Variants in VAV1 observed in about 807,000 individuals in gnomAD.
The protein encoded by VAV1 is vav guanine nucleotide exchange factor 1, also known as proto-oncogene vav.
Under a neutral mutation model 128.1 loss-of-function variants are expected in VAV1, and 33 were observed. That is an observed-to-expected ratio of 0.26 (90% confidence interval 0.20 to 0.34). The LOEUF is 0.34. Ranked by LOEUF, VAV1 falls within the 10% of genes least tolerant of loss-of-function variation. The pLI is 1.00. For synonymous variants in VAV1, 394 were observed against 409.8 expected (o/e 0.96, Z 0.47); for missense variants, 715 against 1,093.7 (o/e 0.65, Z 4.88).
At chr19:6,811,157 T>G (rs984933817) in intron 1 of VAV1, among the ~76,000 whole-genome samples, 5 of 152,144 alleles carry the variant, frequency 3.3e-5, no homozygotes, top group Non-Finnish European at 7.4e-5. Context: ...TGCCTCAGCT[T>G]CTCAAGTAGC....
At chr19:6,829,662 A>G in intron 13 of VAV1, 124 bp from the exon 14 acceptor site, 1 of 1,437,192 alleles carries the variant, frequency 7.0e-7, no homozygotes, top group Non-Finnish European at 9.5e-7. Context: ...ACAGGTGGGC[A>G]TGGCCAAGTT....
At chr19:6,827,799 C>G (rs568187092) in intron 9 of VAV1, among the ~76,000 whole-genome samples, 1 of 151,678 alleles carries the variant, frequency 6.6e-6, no homozygotes, top group South Asian at 2.1e-4. Flanking sequence ...GGGGTTTCCC[C>G]GTGTTGGCCA....
intron 21 of VAV1, among the ~76,000 whole-genome samples, chr19:6,839,548 G>A (rs1180918682): frequency 6.6e-6 from 1 of 151,764 alleles, no homozygotes; most frequent in Non-Finnish European, 1.5e-5. Context: ...GATTACAGGC[G>A]TGAGCCACCA....
intron 1 of VAV1, among the ~76,000 whole-genome samples, chr19:6,810,069 C>T (rs928083780): frequency 2.0e-5 from 3 of 151,990 alleles, no homozygotes; most frequent in Non-Finnish European, 4.4e-5. Flanking sequence ...AGTCCCAACA[C>T]TCAGGAGGTT....
intron 22 of VAV1, among the ~76,000 whole-genome samples, chr19:6,847,468 T>C (rs1469823335): frequency 6.6e-6 from 1 of 152,222 alleles, no homozygotes; most frequent in Non-Finnish European, 1.5e-5. Context: ...CTCATCTCCA[T>C]TGTAGCCCAT....
At chr19:6,790,306 A>G (rs1290349685) in intron 1 of VAV1, among the ~76,000 whole-genome samples, 1 of 152,224 alleles carries the variant, frequency 6.6e-6, no homozygotes, top group African/African-American at 2.4e-5. Context: ...CATAATGGAC[A>G]CAGTTAATAC....
At chr19:6,821,553 C>G in intron 2 of VAV1, 69 bp from the exon 3 acceptor site, 1 of 1,588,322 alleles carries the variant, frequency 6.3e-7, no homozygotes, top group Non-Finnish European at 8.6e-7. Context: ...CAGAGCCTTG[C>G]AGCTGGAAGC....
At chr19:6,781,368 T>G (rs1198141375) in intron 1 of VAV1, among the ~76,000 whole-genome samples, 2 of 152,194 alleles carry the variant, frequency 1.3e-5, no homozygotes, top group African/African-American at 4.8e-5. Context: ...AGGACTGGCT[T>G]CTCTGCCGCC....
Position 6,857,071 on chromosome 19 carries a change from C to G in VAV1, c.2502C>G (p.Ala834=). 2 of 1,614,076 alleles carry G rather than the reference C, an allele frequency of 1.2e-6. No homozygotes were observed. The highest frequency in any genetic ancestry group is 1.7e-6 in the Non-Finnish European group (2 of 1,180,010). The part of the protein sequence containing the change: ...EIYGRVGWFP[A]NYVEEDYSEY... ...GTTTCCAGGTTGGCTGGTTCCCTGC[C>G]AACTACGTGGAGGAAGATTATTCTG... is the stretch of plus-strand genomic sequence containing the variant. Residue 834 remains alanine, a synonymous_variant, in exon 27 of 27, where the codon GCC becomes GCG. Transcript: ENST00000602142.
intron 1 of VAV1, among the ~76,000 whole-genome samples, chr19:6,795,680 T>C (rs1443486307): frequency 1.3e-5 from 2 of 151,598 alleles, no homozygotes; most frequent in Non-Finnish European, 2.9e-5. Flanking sequence ...TTTTTGCTTG[T>C]TTGTTTGTTT....
intron 21 of VAV1, 150 bp downstream of exon 21, chr19:6,837,200 A>G (rs1972244628): frequency 1.3e-6 from 1 of 742,614 alleles, no homozygotes; most frequent in African/African-American, 1.8e-5. Flanking sequence ...CACCCACCCC[A>G]CCAACTGAGC....
At chr19:6,784,453 G>A (rs959435950) in intron 1 of VAV1, among the ~76,000 whole-genome samples, 1 of 151,476 alleles carries the variant, frequency 6.6e-6, no homozygotes, top group African/African-American at 2.4e-5. Context: ...ATCTAGGAGG[G>A]TCAGCACTTG....
intron 7 of VAV1, 43 bp from the exon 8 acceptor site, chr19:6,825,260 G>A (rs769866550): frequency 6.3e-6 from 10 of 1,593,450 alleles, no homozygotes; most frequent in Non-Finnish European, 8.6e-6. Context: ...GGCCCCCTGA[G>A]CCCTGGGCTC....
intron 26 of VAV1, 46 bp downstream of exon 26, chr19:6,854,144 C>T: frequency 1.9e-6 from 3 of 1,600,614 alleles, no homozygotes; most frequent in South Asian, 2.2e-5. Context: ...GGGGGTTGAG[C>T]TGGTGGTGGA....
intron 4 of VAV1, 45 bp downstream of exon 4, chr19:6,821,904 C>T (rs1284097095): frequency 1.3e-5 from 21 of 1,612,656 alleles, no homozygotes; most frequent in Non-Finnish European, 1.6e-5. Flanking sequence ...GGAGCACCGT[C>T]CTGGGGGTGG....
At chr19:6,824,882 C>T (rs1011554056) in intron 6 of VAV1, among the ~76,000 whole-genome samples, 171 bp from the exon 7 acceptor site, 4 of 152,052 alleles carry the variant, frequency 2.6e-5, no homozygotes, top group Admixed American at 6.6e-5. Flanking sequence ...TGGTTGTTTC[C>T]GCTTTTGGGT....
In VAV1 at chr19:6,852,971, G is replaced by A; in HGVS notation, c.2224G>A (p.Val742Met). ...KKAFRGLTELVEFYQQNSLKD... is the reference protein window; with the variant it reads ...KKAFRGLTELMEFYQQNSLKD... ...CATGTGGTCCGCCTTCTAGGAGCTG[G>A]TGGAGTTTTACCAGCAGAACTCTCT... The change falls in exon 25 of 27, where the codon GTG becomes ATG. Residue 742 changes from valine to methionine, a missense_variant. Around this residue, in one of 3 missense-constraint regions of VAV1, gnomAD observed 407 missense variants for 580.6 expected, o/e 0.70. Coordinates refer to ENST00000602142, the MANE Select transcript of VAV1 (RefSeq NM_005428.4). The A allele has an allele frequency of 6.2e-7, 1 of 1,609,182 alleles. No individual in the cohort carries two copies. Among genetic ancestry groups the A allele is most frequent in the Non-Finnish European group, 8.5e-7 (1 of 1,176,860 alleles).
At chr19:6,795,614 C>G (rs1485384428) in intron 1 of VAV1, among the ~76,000 whole-genome samples, 3 of 152,102 alleles carry the variant, frequency 2.0e-5, no homozygotes, top group Non-Finnish European at 4.4e-5. Context: ...TGTCCTGGCA[C>G]AGGGTGGCAC....
intron 1 of VAV1, among the ~76,000 whole-genome samples, chr19:6,806,721 C>T (rs1333966846): frequency 2.0e-5 from 3 of 152,196 alleles, no homozygotes; most frequent in Admixed American, 1.3e-4. Context: ...AACCAATAGT[C>T]ATAGGCAAGG....
Sources: allele counts gnomAD v4.1 joint callset (sites outside exome capture counted in the v4.1 genomes callset), GRCh38; gene constraint gnomAD v4.1.1; regional missense constraint gnomAD v4.1.1; transcripts MANE v1.5; gene names NCBI Gene and HGNC (gene_info 2026-07-23, HGNC 2026-07-21).